TMEM255A: variants seen among roughly 807,000 people sequenced by gnomAD.
TMEM255A encodes the protein transmembrane protein 255A.
In TMEM255A, 14 loss-of-function variants were observed where a neutral mutation model predicts 23.5. The ratio of observed to expected loss-of-function variants is 0.60; its 90% CI spans 0.39 to 0.93. The LOEUF (loss-of-function observed/expected upper bound fraction) is 0.93. Among genes scored for constraint, TMEM255A ranks in the 40% least tolerant of loss-of-function variants. The pLI is 0.00. For synonymous variants in TMEM255A, 104 were observed against 100.3 expected, an observed-to-expected ratio of 1.04 and a Z score of -0.22; for missense variants, 233 against 261.7, an observed-to-expected ratio of 0.89 and a Z score of 0.76.
intron 2 of TMEM255A, among the ~76,000 whole-genome samples, chrX:120,302,103 A>G (rs1485834192): frequency 2.7e-5 from 3 of 111,495 alleles, no homozygotes; most frequent in African/African-American, 9.8e-5. Flanking sequence ...TAACACTTCC[A>G]TATTAGCTCT....
intron 6 of TMEM255A, 40 bp downstream of exon 6, chrX:120,285,087 G>T: frequency 9.1e-7 from 1 of 1,097,978 alleles, no homozygotes; most frequent in Non-Finnish European, 1.3e-6. Flanking sequence ...TGTCCGTTGT[G>T]GTCAGACCAT....
At chrX:120,284,467 C>A (rs971291949) in intron 6 of TMEM255A, among the ~76,000 whole-genome samples, 3 of 110,218 alleles carry the variant, frequency 2.7e-5, no homozygotes, top group Non-Finnish European at 5.7e-5. Context: ...GCACAAATGT[C>A]ACCTGCTCAA....
At chrX:120,271,939 G>A (rs1249059730) in intron 7 of TMEM255A, among the ~76,000 whole-genome samples, 2 of 112,492 alleles carry the variant, frequency 1.8e-5, no homozygotes, top group African/African-American at 3.2e-5. Context: ...CTCACAGCAT[G>A]GGAGGAAGTA....
At chrX:120,256,964 C>A (rs1292210710), downstream of TMEM255A, 2 of 122,583 alleles carry the variant, frequency 1.6e-5, no homozygotes, top group Non-Finnish European at 3.8e-5. Context: ...AAGCTTTAAT[C>A]ATAATTTCTC....
intron 1 of TMEM255A, among the ~76,000 whole-genome samples, chrX:120,307,542 G>A (rs1285428855): frequency 1.8e-5 from 2 of 112,152 alleles, no homozygotes; most frequent in East Asian, 2.8e-4. Flanking sequence ...ATAAACAATC[G>A]GTACTTGTTG....
intron 7 of TMEM255A, among the ~76,000 whole-genome samples, chrX:120,269,077 A>G (rs184771893): frequency 9.0e-6 from 1 of 110,785 alleles, no homozygotes; most frequent in Non-Finnish European, 1.9e-5. Flanking sequence ...GCAAAATCCT[A>G]GCAGTGCACA....
intron 6 of TMEM255A, among the ~76,000 whole-genome samples, chrX:120,280,871 T>C (rs1390482014): frequency 1.8e-5 from 2 of 108,182 alleles, no homozygotes; most frequent in African/African-American, 6.8e-5. Context: ...ATTGAAGGTA[T>C]TGCTTTCTGT....
At chrX:120,256,663 C>G (rs2057639938), downstream of TMEM255A, 1 of 122,798 alleles carries the variant, frequency 8.1e-6, no homozygotes, top group Non-Finnish European at 1.9e-5. Context: ...TATTTAAACA[C>G]TTAGAAAATA....
chrX:120,275,960 T>G (rs782054013), intron 7 of TMEM255A, among the ~76,000 whole-genome samples: 124 of 108,660 alleles, frequency 1.1e-3, no homozygotes, highest in Non-Finnish European at 1.9e-3. Flanking sequence ...ACCCAGCTAA[T>G]TAAAAAAAGT....
chrX:120,311,242 C>A lies in TMEM255A; in HGVS notation c.58+10G>T. 1 of 1,177,283 alleles carries A rather than the reference C, an allele frequency of 8.5e-7. No homozygotes were observed. The highest frequency in any genetic ancestry group is 1.1e-6 in the Non-Finnish European group (1 of 876,908). ...CTGCCGCCGCCCGAAGGAAGGGCCG[C>A]TAGACTTACCCATGGAATCGGGCAG... On this transcript the variant is annotated intron_variant, in intron 1 of 8. Transcript: ENST00000371369.
intron 2 of TMEM255A, among the ~76,000 whole-genome samples, chrX:120,300,554 A>ATTTTTTT (rs368966488): frequency 0.013 from 976 of 74,118 alleles, 21 homozygotes; most frequent in East Asian, 0.054. Context: ...GGCCAGGCTA[A>ATTTTTTT]TTTTTTTTTT....
intron 2 of TMEM255A, among the ~76,000 whole-genome samples, chrX:120,302,766 A>G (rs928147931): frequency 3.6e-5 from 4 of 110,468 alleles, no homozygotes; most frequent in African/African-American, 9.9e-5. Flanking sequence ...GCTTCTCAAG[A>G]GCTATTGAGG....
intron 8 of TMEM255A, among the ~76,000 whole-genome samples, chrX:120,267,591 C>T (rs1168825030): frequency 1.8e-5 from 2 of 112,079 alleles, no homozygotes; most frequent in African/African-American, 6.5e-5. Flanking sequence ...TAAGTAAGTG[C>T]CTTTTTTGGG....
chrX:120,295,872 T>C (rs2057950650), intron 2 of TMEM255A, among the ~76,000 whole-genome samples: 1 of 112,360 alleles, frequency 8.9e-6, no homozygotes. Context: ...TACTTTTTTC[T>C]AGTGATTATT....
At chrX:120,305,609 C>T (rs1434013877) in intron 1 of TMEM255A, among the ~76,000 whole-genome samples, 6 of 108,397 alleles carry the variant, frequency 5.5e-5, no homozygotes, top group African/African-American at 2.0e-4. Flanking sequence ...TCTGGGAGAC[C>T]TCACTGCAGC....
chrX:120,298,307 T>C, intron 2 of TMEM255A, among the ~76,000 whole-genome samples: 1 of 111,165 alleles, frequency 9.0e-6, no homozygotes, highest in Non-Finnish European at 1.9e-5. Flanking sequence ...GGCCAGGAGG[T>C]GGGATGGGGT....
In TMEM255A at chrX:120,259,735, A is replaced by T. The variant is rs2057663727; in HGVS notation, c.*1135T>A. The stretch of plus-strand genomic sequence containing the variant: ...ATGTGTAATTAAAAGAACTGTACAA[A>T]TACCTACCACGGTGTGCCAGATGGA... On this transcript the variant is annotated 3_prime_UTR_variant, in exon 9 of 9. Transcript: ENST00000371369. The T allele has an allele frequency of 1.8e-5, 2 of 112,151 alleles. No individual in the cohort carries two copies. Among genetic ancestry groups the T allele is most frequent in the African/African-American group, 3.3e-5 (1 of 30,732 alleles). 9.2% of individuals were successfully genotyped at this position (112,151 alleles called of 1,213,427 possible). A position where few individuals can be genotyped will look rare whatever the true frequency, so the allele number is the denominator to read the frequency against.
chrX:120,254,401 A>G, downstream of TMEM255A: 3 of 1,209,805 alleles, frequency 2.5e-6, no homozygotes, highest in Non-Finnish European at 3.4e-6. Flanking sequence ...GCCAATGAAG[A>G]GGAGGAGGAG....
At chrX:120,300,029 C>T (rs1436137234) in intron 2 of TMEM255A, among the ~76,000 whole-genome samples, 1 of 112,089 alleles carries the variant, frequency 8.9e-6, no homozygotes, top group African/African-American at 3.2e-5. Context: ...TGAAAGAAGA[C>T]TCAGGCTAGT....
Sources: allele counts gnomAD v4.1 joint callset (sites outside exome capture counted in the v4.1 genomes callset), GRCh38; gene constraint gnomAD v4.1.1; transcripts MANE v1.5; gene names NCBI Gene and HGNC (gene_info 2026-07-23, HGNC 2026-07-21).